CDK19: variants seen among roughly 807,000 people sequenced by gnomAD.
The protein encoded by CDK19 is cyclin-dependent kinase 19.
Under a neutral mutation model 68.3 loss-of-function variants are expected in CDK19, and 20 were observed. The ratio of observed to expected loss-of-function variants is 0.29; its 90% CI spans 0.21 to 0.43. The LOEUF is 0.43. Among genes scored for constraint, CDK19 ranks in the 20% least tolerant of loss-of-function variants. The pLI, the probability that CDK19 is intolerant of heterozygous loss-of-function variation, is 1.00. For synonymous variants in CDK19, 221 were observed against 222.8 expected (o/e 0.99, Z 0.07); for missense variants, 339 against 623.5 (o/e 0.54, Z 4.86).
At chr6:110,661,501 C>T (rs1309736601) in intron 4 of CDK19, among the ~76,000 whole-genome samples, 4 of 152,020 alleles carry the variant, frequency 2.6e-5, no homozygotes, top group African/African-American at 7.2e-5. Context: ...TGTATAGTGG[C>T]TATTCACAGA....
chr6:110,628,328 A>C (rs1779221469), intron 6 of CDK19, among the ~76,000 whole-genome samples: 1 of 152,244 alleles, frequency 6.6e-6, no homozygotes, highest in Non-Finnish European at 1.5e-5. Flanking sequence ...TAATTACACT[A>C]TTCCTTCCTC....
chr6:110,667,279 T>C (rs1423593058), intron 4 of CDK19, among the ~76,000 whole-genome samples, 155 bp downstream of exon 4: 2 of 152,222 alleles, frequency 1.3e-5, no homozygotes. Context: ...CTTTTTATTA[T>C]AGGTTTATGG....
intron 1 of CDK19, among the ~76,000 whole-genome samples, chr6:110,760,298 G>A (rs1435355534): frequency 2.0e-5 from 3 of 148,498 alleles, no homozygotes; most frequent in African/African-American, 7.5e-5. Flanking sequence ...TCAGGAGGCT[G>A]AGGCACAAGA....
rs1562311914 is a variant in CDK19 at position 110,815,200 on chromosome 6, T to TCC, written c.-66_-65dup. The TCC allele has an allele frequency of 7.3e-5, 97 of 1,324,986 alleles. No individual in the cohort carries two copies. Among genetic ancestry groups the TCC allele is most frequent in the Non-Finnish European group, 9.3e-5 (95 of 1,018,810 alleles). The allele number at this position is 1,324,986 out of a possible 1,614,324, so 82.1% of individuals were successfully genotyped here. A position where few individuals can be genotyped will look rare whatever the true frequency, so the allele number is the denominator to read the frequency against. On this transcript the variant is annotated 5_prime_UTR_variant, in exon 1 of 13. Coordinates refer to ENST00000368911, the MANE Select transcript of CDK19 (RefSeq NM_015076.5). The stretch of plus-strand genomic sequence containing the variant: ...GCCGCCGCTCAGTCCCTCCTCCTCC[T>TCC]CCCCCCGCGACCGCCGCTCCACTTC...
intron 2 of CDK19, among the ~76,000 whole-genome samples, chr6:110,741,038 G>A (rs1777623043): frequency 6.6e-6 from 1 of 152,068 alleles, no homozygotes; most frequent in African/African-American, 2.4e-5. Context: ...CAAAAAGAAT[G>A]ATGAAAAATG....
At chr6:110,633,957 T>C (rs369738133) in intron 5 of CDK19, among the ~76,000 whole-genome samples, 2 of 152,300 alleles carry the variant, frequency 1.3e-5, no homozygotes, top group Non-Finnish European at 1.5e-5. Flanking sequence ...ATTATACATA[T>C]GATAATTGCA....
intron 2 of CDK19, among the ~76,000 whole-genome samples, chr6:110,723,162 A>AAAG (rs1776062469): frequency 6.6e-6 from 1 of 150,890 alleles, no homozygotes; most frequent in Non-Finnish European, 1.5e-5. Flanking sequence ...AAAAAAAAAA[A>AAAG]CGCAGATTTG....
At chr6:110,669,987 G>A (rs1288092081) in intron 3 of CDK19, among the ~76,000 whole-genome samples, 3 of 151,356 alleles carry the variant, frequency 2.0e-5, no homozygotes, top group South Asian at 2.1e-4. Context: ...GAGAAACCCC[G>A]TCTCTACTAA....
intron 2 of CDK19, among the ~76,000 whole-genome samples, chr6:110,698,396 T>C (rs1261213499): frequency 6.6e-6 from 1 of 151,178 alleles, no homozygotes; most frequent in East Asian, 1.9e-4. Context: ...TCAATAAATA[T>C]ATGAAAAAAA....
chr6:110,704,373 T>C (rs552754565), intron 2 of CDK19, among the ~76,000 whole-genome samples: 1 of 152,322 alleles, frequency 6.6e-6, no homozygotes, highest in Non-Finnish European at 1.5e-5. Flanking sequence ...GTATCTTTAC[T>C]ACTTACCTTA....
intron 1 of CDK19, among the ~76,000 whole-genome samples, chr6:110,751,943 C>G (rs144896841): frequency 6.6e-6 from 1 of 151,412 alleles, no homozygotes; most frequent in African/African-American, 2.4e-5. Flanking sequence ...TGAAATAAAT[C>G]AATGTTGTAT....
intron 1 of CDK19, among the ~76,000 whole-genome samples, chr6:110,770,739 C>G (rs2114992449): frequency 6.6e-6 from 1 of 152,218 alleles, no homozygotes; most frequent in East Asian, 1.9e-4. Flanking sequence ...AAGGTAAGTC[C>G]CTTCCACCTA....
At chr6:110,626,890 T>A (rs201451893) in intron 7 of CDK19, 45 bp from the exon 8 acceptor site, 1 of 1,399,040 alleles carries the variant, frequency 7.1e-7, no homozygotes, top group African/African-American at 1.5e-5. Context: ...ATGTGTTAAT[T>A]TAAAATCTCC....
intron 2 of CDK19, among the ~76,000 whole-genome samples, chr6:110,674,440 T>G (rs1771301070): frequency 6.6e-6 from 1 of 152,236 alleles, no homozygotes; most frequent in Admixed American, 6.5e-5. Flanking sequence ...AAGCTAGGCC[T>G]CTTGCACCAG....
chr6:110,779,354 T>C (rs555315056), intron 1 of CDK19, among the ~76,000 whole-genome samples: 23 of 152,268 alleles, frequency 1.5e-4, no homozygotes, highest in African/African-American at 5.3e-4. Flanking sequence ...ACTCACCCTA[T>C]ACACAGGCAT....
rs184826543 is a variant in CDK19 at position 110,690,242 on chromosome 6, G to C, written c.205-19701C>G. 1.9e-3 allele frequency among the ~76,000 whole-genome samples: 283 copies of C among 152,244 alleles called. 2 individuals are homozygous for C. Among genetic ancestry groups the C allele is most frequent in the Admixed American group, 3.5e-3 (53 of 15,290 alleles). ...CAGGAGGAGTATCTGCCAGGTTCAG[G>C]CTTGCATAAGAGGTAGAGTCACAAC... On this transcript the variant is annotated intron_variant, in intron 2 of 12. Coordinates refer to ENST00000368911, the MANE Select transcript of CDK19 (RefSeq NM_015076.5).
chr6:110,781,884 C>A (rs1417253193), intron 1 of CDK19, among the ~76,000 whole-genome samples: 1 of 151,236 alleles, frequency 6.6e-6, no homozygotes, highest in Non-Finnish European at 1.5e-5. Flanking sequence ...TCAGCTCTTA[C>A]TTTAGAGTCA....
At chr6:110,688,050 TCAAA>T (rs939998508) in intron 2 of CDK19, among the ~76,000 whole-genome samples, 1 of 152,106 alleles carries the variant, frequency 6.6e-6, no homozygotes, top group African/African-American at 2.4e-5. Flanking sequence ...TCGATACACT[TCAAA>T]CAAACACCCA....
chr6:110,664,120 C>T (rs943226599), intron 4 of CDK19, among the ~76,000 whole-genome samples: 1 of 152,146 alleles, frequency 6.6e-6, no homozygotes, highest in African/African-American at 2.4e-5. Flanking sequence ...CTGAGCATGA[C>T]CTCACATTAC....
Sources: allele counts gnomAD v4.1 joint callset (sites outside exome capture counted in the v4.1 genomes callset), GRCh38; gene constraint gnomAD v4.1.1; transcripts MANE v1.5; gene names NCBI Gene and HGNC (gene_info 2026-07-23, HGNC 2026-07-21).